Variants in RTN1 observed in about 807,000 individuals in gnomAD.
RTN1 encodes the protein reticulon 1.
In RTN1, 25 loss-of-function variants were observed where a neutral mutation model predicts 65.5. That is an observed-to-expected ratio of 0.38 (90% CI 0.28 to 0.53). The LOEUF (loss-of-function observed/expected upper bound fraction) is 0.53. Ranked by LOEUF, RTN1 falls within the 20% of genes least tolerant of loss-of-function variation. The probability of loss-of-function intolerance (pLI) is 0.79; values close to 1 mark genes in which losing one functional copy is unlikely to be tolerated. For missense variants in RTN1, 983 were observed against 1,025.4 expected (o/e 0.96, Z 0.57); for synonymous variants, 471 against 447.6 (o/e 1.05, Z -0.66).
chr14:59,778,970 G>A (rs1221108214), intron 1 of RTN1, among the ~76,000 whole-genome samples: 1 of 152,132 alleles, frequency 6.6e-6, no homozygotes, highest in Non-Finnish European at 1.5e-5. Flanking sequence ...TTTAATCAAG[G>A]GAGATCTGAC....
intron 1 of RTN1, among the ~76,000 whole-genome samples, chr14:59,845,657 C>T (rs1887395017): frequency 6.6e-6 from 1 of 152,170 alleles, no homozygotes; most frequent in African/African-American, 2.4e-5. Flanking sequence ...AAAGTTCCTA[C>T]TATGGCCTGT....
chr14:59,783,341 A>C (rs1303682648), intron 1 of RTN1, among the ~76,000 whole-genome samples: 1 of 152,144 alleles, frequency 6.6e-6, no homozygotes, highest in Non-Finnish European at 1.5e-5. Context: ...GTGGGGTTAT[A>C]CCTTATGAGA....
At chr14:59,720,524 C>G (rs1436640767) in intron 3 of RTN1, among the ~76,000 whole-genome samples, 2 of 152,182 alleles carry the variant, frequency 1.3e-5, no homozygotes, top group Non-Finnish European at 2.9e-5. Context: ...GAGTTCAAGA[C>G]CAGCCTGGCC....
chr14:59,793,775 A>C (rs1014783156), intron 1 of RTN1, among the ~76,000 whole-genome samples: 1 of 151,914 alleles, frequency 6.6e-6, no homozygotes, highest in African/African-American at 2.4e-5. Context: ...CTATTGTGCT[A>C]CTATCAAAAA....
intron 3 of RTN1, among the ~76,000 whole-genome samples, chr14:59,616,671 G>A (rs1335857568): frequency 6.6e-6 from 1 of 152,126 alleles, no homozygotes; most frequent in Non-Finnish European, 1.5e-5. Context: ...CTACATAATT[G>A]TAGCTTTAAT....
intron 3 of RTN1, among the ~76,000 whole-genome samples, chr14:59,696,603 GA>G (rs1473171368): frequency 6.6e-6 from 1 of 152,048 alleles, no homozygotes; most frequent in Non-Finnish European, 1.5e-5. Flanking sequence ...CAGGCTGGGG[GA>G]CAAATCCATT....
chr14:59,765,396 T>G (rs930997025), intron 1 of RTN1, among the ~76,000 whole-genome samples: 1 of 152,200 alleles, frequency 6.6e-6, no homozygotes, highest in African/African-American at 2.4e-5. Context: ...GGCTAAAGAA[T>G]AGGTAATGAA....
At chr14:59,726,427 TGG>T (rs575018854) in intron 3 of RTN1, among the ~76,000 whole-genome samples, 28 of 152,190 alleles carry the variant, frequency 1.8e-4, no homozygotes, top group African/African-American at 6.3e-4. Flanking sequence ...CCCTTGCCCT[TGG>T]GTAAGAGAAA....
chr14:59,660,262 G>A (rs1883216711), intron 3 of RTN1, among the ~76,000 whole-genome samples: 1 of 152,112 alleles, frequency 6.6e-6, no homozygotes, highest in Non-Finnish European at 1.5e-5. Flanking sequence ...GACCTACAAA[G>A]AGACTTAGAC....
intron 3 of RTN1, among the ~76,000 whole-genome samples, chr14:59,613,445 C>T (rs772701698): frequency 8.5e-5 from 13 of 152,114 alleles, no homozygotes; most frequent in East Asian, 1.9e-4. Flanking sequence ...ACTATAGGTG[C>T]GCGCAAACAC....
At chr14:59,638,646 T>G (rs1489443488) in intron 3 of RTN1, among the ~76,000 whole-genome samples, 1 of 152,178 alleles carries the variant, frequency 6.6e-6, no homozygotes, top group African/African-American at 2.4e-5. Context: ...TTTCCTTAAC[T>G]CTCATGAACC....
intron 1 of RTN1, among the ~76,000 whole-genome samples, chr14:59,797,559 C>T (rs1886462844): frequency 6.6e-6 from 1 of 152,178 alleles, no homozygotes; most frequent in Admixed American, 6.5e-5. Flanking sequence ...GGATGCTTCT[C>T]AGCATAGTCA....
chr14:59,780,443 G>T (rs1886132753), intron 1 of RTN1, among the ~76,000 whole-genome samples: 1 of 152,144 alleles, frequency 6.6e-6, no homozygotes, highest in African/African-American at 2.4e-5. Context: ...GAGGATGCTA[G>T]AGAAAAGAAA....
In RTN1 at chr14:59,601,072, TC is replaced by T. The variant is rs1346116118; in HGVS notation, c.2288+1992del. On this transcript the variant is annotated intron_variant, in intron 8 of 8. Transcript: ENST00000267484. ...TTAAAAACATCAAGGGGTGGCCATT[TC>T]CTGCTGGGTTGGAATCAAAACTCCA... 2.6e-5 allele frequency among the ~76,000 whole-genome samples: 4 copies of T among 152,214 alleles called. No homozygotes were observed. The East Asian group carries it at 7.7e-4, about 29-fold the overall frequency.
intron 2 of RTN1, among the ~76,000 whole-genome samples, chr14:59,737,850 T>G (rs1044910105): frequency 2.8e-4 from 42 of 152,148 alleles, no homozygotes; most frequent in African/African-American, 1.0e-3. Context: ...AAACCAGTAA[T>G]AAGACCACAT....
chr14:59,723,696 T>C (rs975607572), intron 3 of RTN1, among the ~76,000 whole-genome samples: 4 of 152,206 alleles, frequency 2.6e-5, no homozygotes, highest in Admixed American at 6.5e-5. Flanking sequence ...GAATCACATA[T>C]GCACTTATGC....
intron 3 of RTN1, among the ~76,000 whole-genome samples, chr14:59,684,047 G>C (rs1240965542): frequency 6.6e-6 from 1 of 152,056 alleles, no homozygotes; most frequent in Non-Finnish European, 1.5e-5. Context: ...AGTACATACA[G>C]TGCACTTTCT....
intron 2 of RTN1, among the ~76,000 whole-genome samples, chr14:59,733,439 C>T (rs971254113): frequency 2.7e-4 from 41 of 152,146 alleles, no homozygotes; most frequent in African/African-American, 9.2e-4. Context: ...CCGCACTAGG[C>T]GAGGCCTCCC....
Position 59,868,057 on chromosome 14 carries a change from G to A in RTN1, c.241+2333C>T, listed in dbSNP as rs1396382564. ...CTTAATAGGCATCTCTGATACAATTGAGGGCTCACCTGCTAACTTTGCTTA... is the reference window on the plus strand; with the variant it reads ...CTTAATAGGCATCTCTGATACAATTAAGGGCTCACCTGCTAACTTTGCTTA... On this transcript the variant is annotated intron_variant, in intron 1 of 8. Transcript: ENST00000267484. This position sits in a 1 kb window ranked among gnomAD's most constrained non-coding sequence, Gnocchi z 4.0. 6.6e-6 allele frequency among the ~76,000 whole-genome samples: 1 copy of A among 152,224 alleles called. No individual in the cohort carries two copies. The highest frequency in any genetic ancestry group is 1.5e-5 in the Non-Finnish European group (1 of 68,038).
Sources: allele counts gnomAD v4.1 joint callset (sites outside exome capture counted in the v4.1 genomes callset), GRCh38; gene constraint gnomAD v4.1.1; non-coding constraint Gnocchi (gnomAD v3.1); transcripts MANE v1.5; gene names NCBI Gene and HGNC (gene_info 2026-07-23, HGNC 2026-07-21).